The following SAMD4B variants were observed in gnomAD, a reference collection of about 807,000 sequenced individuals.
The protein encoded by SAMD4B is protein Smaug homolog 2.
In SAMD4B, 5 loss-of-function variants were observed where a neutral mutation model predicts 74.5. The observed-to-expected ratio is 0.07, with a 90% CI of 0.04 to 0.14. The LOEUF (loss-of-function observed/expected upper bound fraction) is 0.14, where lower values mean the gene tolerates loss of function less well. Among genes scored for constraint, SAMD4B ranks in the 10% least tolerant of loss-of-function variants. SAMD4B has a pLI of 1.00. For missense variants in SAMD4B, 608 were observed against 921.8 expected (o/e 0.66, Z 4.41); for synonymous variants, 373 against 374.9 (o/e 1.00, Z 0.06).
chr19:39,370,371 G>A (rs929968495), intron 4 of SAMD4B, among the ~76,000 whole-genome samples: 27 of 152,210 alleles, frequency 1.8e-4, no homozygotes, highest in Non-Finnish European at 3.5e-4. Context: ...ATAAATGTGA[G>A]TGGTACAAAG....
intron 3 of SAMD4B, among the ~76,000 whole-genome samples, chr19:39,365,485 G>A (rs2076908949): frequency 6.6e-6 from 1 of 152,036 alleles, no homozygotes; most frequent in South Asian, 2.1e-4. Context: ...AATCCAGGAG[G>A]TGGAGGTTGC....
chr19:39,361,021 G>T (rs1350454417), intron 3 of SAMD4B, among the ~76,000 whole-genome samples: 1 of 152,078 alleles, frequency 6.6e-6, no homozygotes, highest in Non-Finnish European at 1.5e-5. Flanking sequence ...TTGTGACCTG[G>T]GTCAGTCCTG....
chr19:39,342,480 A>T lies in SAMD4B; in HGVS notation c.-363A>T. ...CGGCGGCGGCGGTGGTCGGTGCGGG[A>T]GGAGGGAGGGGAGCTTGCGGGCCCG... On this transcript the variant is annotated 5_prime_UTR_variant, in exon 1 of 14. Transcript: ENST00000610417. The T allele has an allele frequency of 5.7e-6, 1 of 176,056 alleles. No individual in the cohort carries two copies. The highest frequency in any genetic ancestry group is 1.1e-5 in the Non-Finnish European group (1 of 89,182). The allele number at this position is 176,056 out of a possible 1,614,324, so 10.9% of individuals were successfully genotyped here. A position where few individuals can be genotyped will look rare whatever the true frequency, so the allele number is the denominator to read the frequency against.
intron 1 of SAMD4B, chr19:39,350,360 G>A (rs914983777): frequency 1.7e-4 from 26 of 152,360 alleles, no homozygotes; most frequent in African/African-American, 6.3e-4. Flanking sequence ...CCACCATCCT[G>A]CTTCTGAATG....
intron 1 of SAMD4B, among the ~76,000 whole-genome samples, chr19:39,346,650 T>C (rs1600509726): frequency 6.6e-6 from 1 of 152,328 alleles, no homozygotes; most frequent in African/African-American, 2.4e-5. Flanking sequence ...GTAGGACTAA[T>C]AGAGGGTCTG....
intron 2 of SAMD4B, among the ~76,000 whole-genome samples, chr19:39,355,226 G>A (rs2076277867): frequency 6.6e-6 from 1 of 152,146 alleles, no homozygotes; most frequent in South Asian, 2.1e-4. Flanking sequence ...TTTTAGGCCA[G>A]GGAGGTGACA....
chr19:39,378,139 G>A lies in SAMD4B; in HGVS notation c.1444+315G>A, dbSNP rs1373609974. On this transcript the variant is annotated intron_variant, in intron 8 of 13. Transcript: ENST00000610417. The surrounding 1 kb of genome is among the most constrained non-coding windows in gnomAD (Gnocchi z 4.4). ...GAGTCCATTGATTTCTCTCAGAGGGGACCAAAGTCCAGGGGATGGGGATGG... is the reference window on the plus strand; with the variant it reads ...GAGTCCATTGATTTCTCTCAGAGGGAACCAAAGTCCAGGGGATGGGGATGG... Among the ~76,000 whole-genome samples, 1 of 152,144 alleles carries A rather than the reference G, an allele frequency of 6.6e-6. No individual in the cohort carries two copies. Among genetic ancestry groups the A allele is most frequent in the Non-Finnish European group, 1.5e-5 (1 of 68,022 alleles).
Position 39,378,668 on chromosome 19 carries a change from G to A in SAMD4B, c.1530+79G>A, listed in dbSNP as rs1047561125. 6.5e-6 allele frequency: 8 copies of A among 1,230,436 alleles called. No homozygotes were observed. The African/African-American group carries it at 1.2e-4, about 18-fold the overall frequency. 76.2% of individuals were successfully genotyped at this position (1,230,436 alleles called of 1,614,324 possible). On this transcript the variant is annotated intron_variant, in intron 9 of 13. Coordinates refer to ENST00000610417, the MANE Select transcript of SAMD4B (RefSeq NM_001384574.2). This position sits in a 1 kb window ranked among gnomAD's most constrained non-coding sequence, Gnocchi z 4.4. The stretch of plus-strand genomic sequence containing the variant: ...TCACGCCTGTAGTCCCAGCACTTCG[G>A]CCACCGAGGCGGGCGGATCATGAGG...
At chr19:39,364,653 T>G (rs2145577415) in intron 3 of SAMD4B, among the ~76,000 whole-genome samples, 1 of 152,348 alleles carries the variant, frequency 6.6e-6, no homozygotes, top group Middle Eastern at 3.4e-3. Flanking sequence ...AGGACTAAGT[T>G]ATCAAACAGG....
chr19:39,365,712 G>A (rs899451747), intron 3 of SAMD4B, among the ~76,000 whole-genome samples: 2 of 152,200 alleles, frequency 1.3e-5, no homozygotes, highest in South Asian at 2.1e-4. Flanking sequence ...GGGATGAAAA[G>A]CAATCATTTT....
rs186538369 is a variant in SAMD4B at position 39,368,477 on chromosome 19, G to A, written c.197-1178G>A. Among the ~76,000 whole-genome samples, 732 of 152,240 alleles carry A rather than the reference G, an allele frequency of 4.8e-3. 7 individuals are homozygous for A. The highest frequency in any genetic ancestry group is 0.017 in the African/African-American group (697 of 41,530). ...GTGGAGAGAACCCCAAGGAAGATGGGGAGATATCCTGAGCTGAGTCTTTAT... is the reference window on the plus strand; with the variant it reads ...GTGGAGAGAACCCCAAGGAAGATGGAGAGATATCCTGAGCTGAGTCTTTAT... On this transcript the variant is annotated intron_variant, in intron 3 of 13. Transcript: ENST00000610417.
In SAMD4B at chr19:39,375,182, G is replaced by T. The variant is rs2077529229; in HGVS notation, c.668-468G>T. On this transcript the variant is annotated intron_variant, in intron 4 of 13. Transcript: ENST00000610417. This position sits in a 1 kb window ranked among gnomAD's most constrained non-coding sequence, Gnocchi z 4.1. ...AACCAAGTGGTGGGTTGTGGGAGAG[G>T]AACAGGGGCCAGGTCCTGCATGGCC... 6.6e-6 allele frequency among the ~76,000 whole-genome samples: 1 copy of T among 152,224 alleles called. No individual in the cohort carries two copies. The highest frequency in any genetic ancestry group is 1.5e-5 in the Non-Finnish European group (1 of 68,042).
At chr19:39,344,282 C>A (rs1568339564) in intron 1 of SAMD4B, among the ~76,000 whole-genome samples, 1 of 152,134 alleles carries the variant, frequency 6.6e-6, no homozygotes, top group Non-Finnish European at 1.5e-5. Context: ...AAAACCCTCT[C>A]CTCTGACACT....
chr19:39,370,685 C>T (rs1177758462), intron 4 of SAMD4B, among the ~76,000 whole-genome samples: 1 of 152,220 alleles, frequency 6.6e-6, no homozygotes, highest in African/African-American at 2.4e-5. Flanking sequence ...TGTATCTGGC[C>T]TCACTTTACA....
rs370173508 is a variant in SAMD4B at position 39,384,972 on chromosome 19, C to A, written c.*1445C>A. The A allele has an allele frequency of 6.6e-6, 1 of 152,392 alleles. No homozygotes were observed. Among genetic ancestry groups the A allele is most frequent in the Non-Finnish European group, 1.5e-5 (1 of 68,084 alleles). 9.4% of individuals were successfully genotyped at this position (152,392 alleles called of 1,614,324 possible). A position where few individuals can be genotyped will look rare whatever the true frequency, so the allele number is the denominator to read the frequency against. ...CTGCACTATCACCCCATTCCCCAGA[C>A]CTTCTTGCCCCCGCCCTCCTGGTCT... On this transcript the variant is annotated 3_prime_UTR_variant, in exon 14 of 14. Transcript: ENST00000610417.
At chr19:39,390,466 A>C (rs1046939125), downstream of SAMD4B, among the ~76,000 whole-genome samples, 1 of 152,212 alleles carries the variant, frequency 6.6e-6, no homozygotes, top group Non-Finnish European at 1.5e-5. Flanking sequence ...CAATTTATTT[A>C]GGAAGAAATG....
chr19:39,365,650 C>T (rs758818634), intron 3 of SAMD4B, among the ~76,000 whole-genome samples: 18 of 152,178 alleles, frequency 1.2e-4, no homozygotes, highest in Non-Finnish European at 2.4e-4. Context: ...CTCACCTTCC[C>T]AAATCTGTTT....
intron 9 of SAMD4B, among the ~76,000 whole-genome samples, chr19:39,379,700 A>G (rs36269): frequency 0.071 from 10,805 of 152,068 alleles, 1,331 homozygotes; most frequent in African/African-American, 0.25. Context: ...CCTCCCAAGT[A>G]TCTGGGATTA....
At chr19:39,366,553 T>C (rs1318365194) in intron 3 of SAMD4B, among the ~76,000 whole-genome samples, 10 of 152,156 alleles carry the variant, frequency 6.6e-5, no homozygotes, top group Non-Finnish European at 1.3e-4. Context: ...TGCACAGTCT[T>C]TATAGCCAGG....
Sources: allele counts gnomAD v4.1 joint callset (sites outside exome capture counted in the v4.1 genomes callset), GRCh38; gene constraint gnomAD v4.1.1; non-coding constraint Gnocchi (gnomAD v3.1); transcripts MANE v1.5; gene names NCBI Gene and HGNC (gene_info 2026-07-23, HGNC 2026-07-21).